The following SLC8A1 variants were observed in gnomAD, a reference collection of about 807,000 sequenced individuals.
SLC8A1 encodes the protein solute carrier family 8 member A1, also known as sodium/calcium exchanger 1.
SLC8A1 carries 18 observed loss-of-function variants against 68.3 expected under a neutral mutation model. That is an observed-to-expected ratio of 0.26 (90% CI 0.18 to 0.39). SLC8A1 has a LOEUF of 0.39. Ranked by LOEUF, SLC8A1 falls within the 10% of genes least tolerant of loss-of-function variation. SLC8A1 has a pLI of 1.00. For synonymous variants in SLC8A1, 475 were observed against 415.5 expected (o/e 1.14, Z -1.74); for missense variants, 985 against 1,156.7 (o/e 0.85, Z 2.15).
chr2:40,223,278 A>C lies in SLC8A1; in HGVS notation c.1809-45423T>G, dbSNP rs1420967700. Among the ~76,000 whole-genome samples the C allele has an allele frequency of 3.3e-5, 5 of 152,338 alleles. No individual in the cohort carries two copies. In the South Asian group the frequency reaches 8.3e-4, roughly 25 times the overall value. On this transcript the variant is annotated intron_variant, in intron 2 of 7. Coordinates refer to ENST00000406785, the Ensembl canonical transcript of SLC8A1. ...AACTAACACAGGAACAGAAAACCAA[A>C]CACCACATGTTCTCACTCATAAGTG...
chr2:40,380,246 T>C (rs1449519902), intron 2 of SLC8A1, among the ~76,000 whole-genome samples: 2 of 152,090 alleles, frequency 1.3e-5, no homozygotes, highest in Non-Finnish European at 2.9e-5. Context: ...GCCATGCTGA[T>C]AGACAGCAAG....
Position 40,178,551 on chromosome 2 carries a change from CAT to C in SLC8A1, c.1809-698_1809-697del, listed in dbSNP as rs2148565729. 8.3e-6 allele frequency: 12 copies of C among 1,437,888 alleles called. No individual in the cohort carries two copies. The South Asian group carries it at 1.3e-4, about 15-fold the overall frequency. The allele number at this position is 1,437,888 out of a possible 1,614,324, so 89.1% of individuals were successfully genotyped here. A position where few individuals can be genotyped will look rare whatever the true frequency, so the allele number is the denominator to read the frequency against. ...GGAAGAGGAAAGAGAAGAGAAGGAA[CAT>C]AGAGAAGAGGAAAGCAAGGTTAACC... On this transcript the variant is annotated intron_variant, in intron 2 of 7. Coordinates refer to ENST00000406785, the Ensembl canonical transcript of SLC8A1.
At chr2:40,478,486 T>A (rs1219286009) in intron 1 of SLC8A1, among the ~76,000 whole-genome samples, 1 of 152,192 alleles carries the variant, frequency 6.6e-6, no homozygotes, top group East Asian at 1.9e-4. Context: ...AATAACTATT[T>A]AAAGCAACAT....
chr2:40,273,252 CT>C (rs541362631), intron 2 of SLC8A1, among the ~76,000 whole-genome samples: 476 of 144,156 alleles, frequency 3.3e-3, no homozygotes, highest in African/African-American at 8.3e-3. Context: ...TCCAAATACT[CT>C]TTTTTTTTTT....
intron 2 of SLC8A1, among the ~76,000 whole-genome samples, chr2:40,265,231 T>A (rs1178023879): frequency 1.3e-5 from 2 of 152,200 alleles, no homozygotes; most frequent in African/African-American, 2.4e-5. Flanking sequence ...GTCACTGCAA[T>A]GTTTACAGTT....
rs1491143568 is a variant in SLC8A1, at chr2:40,508,365, AAT to A, written c.-25+3982_-25+3983del. On this transcript the variant is annotated intron_variant, in intron 1 of 7. Transcript: ENST00000402441. ...GAAAGGTAAAAGTAAAAAAAAAAAA[AAT>A]CTAAAAAAAAGATTTTCCTTTTTTA... Among the ~76,000 whole-genome samples the A allele has an allele frequency of 4.0e-5, 6 of 151,832 alleles. No homozygotes were observed. The East Asian group carries it at 1.2e-3, about 29-fold the overall frequency.
chr2:40,115,292 G>A, exon 8 of SLC8A1: 1 of 1,613,608 alleles, frequency 6.2e-7, no homozygotes, highest in Non-Finnish European at 8.5e-7. Context: ...CCAGGGAGGA[G>A]AAGAAAATGT....
intron 2 of SLC8A1, among the ~76,000 whole-genome samples, chr2:40,352,885 C>G (rs576757651): frequency 5.3e-5 from 8 of 152,256 alleles, no homozygotes; most frequent in African/African-American, 1.9e-4. Flanking sequence ...ACGTCTGTAT[C>G]CAGTAAGAGC....
chr2:40,321,733 C>T (rs937593055), intron 2 of SLC8A1, among the ~76,000 whole-genome samples: 1 of 152,012 alleles, frequency 6.6e-6, no homozygotes, highest in East Asian at 1.9e-4. Context: ...TGGAGGTAGC[C>T]ACCCCCATGA....
At chr2:40,396,886 C>T (rs779973009) in intron 2 of SLC8A1, among the ~76,000 whole-genome samples, 2 of 151,842 alleles carry the variant, frequency 1.3e-5, no homozygotes, top group Admixed American at 6.6e-5. Flanking sequence ...TCTAGCTAGT[C>T]CACAGGGATC....
At chr2:40,460,735 C>A (rs1265368283) in intron 1 of SLC8A1, among the ~76,000 whole-genome samples, 4 of 152,058 alleles carry the variant, frequency 2.6e-5, no homozygotes, top group Non-Finnish European at 5.9e-5. Flanking sequence ...CCATGCCCAG[C>A]TGATTTTTTA....
In SLC8A1 at chr2:40,302,541, TATC is replaced by T. The variant is rs542909680; in HGVS notation, c.1809-124689_1809-124687del. Among the ~76,000 whole-genome samples the T allele has an allele frequency of 3.1e-3, 461 of 148,738 alleles. 3 individuals are homozygous for T. Among genetic ancestry groups the T allele is most frequent in the African/African-American group, 0.01 (411 of 40,696 alleles). On this transcript the variant is annotated intron_variant, in intron 2 of 7. Coordinates refer to ENST00000406785, the Ensembl canonical transcript of SLC8A1. The stretch of plus-strand genomic sequence containing the variant: ...TATATAACATATATATTTACACACA[TATC>T]ATATATATGTATATATATCTGTATA...
chr2:40,281,028 T>A (rs981791556), intron 2 of SLC8A1, among the ~76,000 whole-genome samples: 1 of 152,222 alleles, frequency 6.6e-6, no homozygotes, highest in African/African-American at 2.4e-5. Context: ...TACATCTTTG[T>A]ACCTCCCATT....
At position 40,369,229 on chromosome 2, in the gene SLC8A1, C is replaced by T. The variant is rs1295021356; in HGVS notation, c.1808+59244G>A. ...AAGAGCTTCTGCAAGGCAAAAGAAA[C>T]TGTCAACAGAGTAAAGAGACAACCT... On this transcript the variant is annotated intron_variant, in intron 2 of 7. Transcript: ENST00000406785. Among the ~76,000 whole-genome samples the T allele has an allele frequency of 7.2e-5, 11 of 152,196 alleles. No homozygotes were observed. In the East Asian group the frequency reaches 1.7e-3, roughly 24 times the overall value.
At chr2:40,307,979 A>G (rs1212729865) in intron 2 of SLC8A1, among the ~76,000 whole-genome samples, 1 of 147,476 alleles carries the variant, frequency 6.8e-6, no homozygotes, top group Non-Finnish European at 1.5e-5. Flanking sequence ...AGAGTCAGAA[A>G]AATAAATAAA....
chr2:40,164,832 T>G, intron 5 of SLC8A1, 22 bp downstream of exon 8: 1 of 1,612,686 alleles, frequency 6.2e-7, no homozygotes. Context: ...TGGCTCCTGG[T>G]GGGCAGTGTT....
intron 2 of SLC8A1, among the ~76,000 whole-genome samples, chr2:40,342,659 A>C (rs72798615): frequency 2.7e-3 from 404 of 152,262 alleles, no homozygotes; most frequent in Non-Finnish European, 4.1e-3. Flanking sequence ...AACTTATTTA[A>C]AAAGTGGATC....
At chr2:40,438,226 C>T (rs1449513967) in intron 1 of SLC8A1, among the ~76,000 whole-genome samples, 1 of 152,110 alleles carries the variant, frequency 6.6e-6, no homozygotes, top group Non-Finnish European at 1.5e-5. Context: ...TCACCACTAA[C>T]CCTGAAGAGA....
chr2:40,418,119 T>C (rs755114501), intron 2 of SLC8A1, among the ~76,000 whole-genome samples: 1 of 152,272 alleles, frequency 6.6e-6, no homozygotes, highest in African/African-American at 2.4e-5. Context: ...TTCAAACCTA[T>C]AGAGGACACT....
Sources: gnomAD v4.1 joint callset for allele counts (sites outside exome capture counted in the v4.1 genomes callset) on GRCh38, gnomAD v4.1.1 for gene constraint, MANE v1.5 for transcripts, NCBI Gene and HGNC (gene_info 2026-07-23, HGNC 2026-07-21) for gene names.